Variants in LRBA observed in about 807,000 individuals in gnomAD.
LRBA encodes the protein LPS responsive beige-like anchor protein.
Under a neutral mutation model 330.0 loss-of-function variants are expected in LRBA, and 176 were observed. The ratio of observed to expected loss-of-function variants is 0.53; its 90% CI spans 0.47 to 0.60. The LOEUF is 0.60. LRBA is among the 20% of genes least tolerant of loss of function. LRBA has a pLI of 0.00. For missense variants in LRBA, 3,259 were observed against 3,444.8 expected (o/e 0.95, Z 1.35); for synonymous variants, 1,230 against 1,193.0 (o/e 1.03, Z -0.64).
Position 151,014,485 on chromosome 4 carries a change from C to T in LRBA, c.158G>A (p.Gly53Asp). ...GIRMKFAVLT[G>D]LVEVGEVSNR... is the part of the protein sequence containing the mutation. ...GGATACTTCTCCAACTTCAACCAAA[C>T]CGGTCAACACGGCAAATTTCATTCT... The change falls in exon 2 of 57, where the codon GGT becomes GAT. Residue 53 changes from glycine to aspartate, a missense_variant. Gly to Asp is a moderately conservative substitution (Grantham distance 94). Transcript: ENST00000651943. The T allele has an allele frequency of 3.1e-6, 5 of 1,614,204 alleles. No homozygotes were observed. The highest frequency in any genetic ancestry group is 4.2e-6 in the Non-Finnish European group (5 of 1,180,040).
intron 44 of LRBA, among the ~76,000 whole-genome samples, chr4:150,454,605 T>C (rs2152036583): frequency 1.3e-5 from 2 of 152,134 alleles, no homozygotes; most frequent in East Asian, 3.9e-4. Flanking sequence ...AAAATTTCAA[T>C]AGCTTTAGGG....
intron 40 of LRBA, chr4:150,582,275 G>A (rs562441044): frequency 6.6e-6 from 1 of 151,966 alleles, no homozygotes; most frequent in Admixed American, 6.6e-5. Flanking sequence ...GAAACACAAG[G>A]AGAACCCACT....
intron 2 of LRBA, among the ~76,000 whole-genome samples, chr4:150,941,750 G>C (rs1209807138): frequency 6.6e-6 from 1 of 152,030 alleles, no homozygotes; most frequent in Non-Finnish European, 1.5e-5. Flanking sequence ...AGCCAGGTGT[G>C]GTGGCAGGCA....
At chr4:150,843,083 C>T (rs1749338784) in intron 28 of LRBA, among the ~76,000 whole-genome samples, 1 of 152,150 alleles carries the variant, frequency 6.6e-6, no homozygotes, top group Non-Finnish European at 1.5e-5. Context: ...CGGAGCTTGG[C>T]TTCACTCCTC....
Position 150,761,859 on chromosome 4 carries a change from A to G in LRBA, c.5581-12T>C, listed in dbSNP as rs192470940. 2.7e-4 allele frequency: 400 copies of G among 1,480,532 alleles called. 3 individuals are homozygous for G. The East Asian group carries it at 8.1e-3, about 30-fold the overall frequency. The allele number at this position is 1,480,532 out of a possible 1,614,324, so 91.7% of individuals were successfully genotyped here. A position where few individuals can be genotyped will look rare whatever the true frequency, so the allele number is the denominator to read the frequency against. Reference sequence around the variant, plus strand: ...GAATTTTGCCACTCCTATAAAAAAAAAAGCAAAAATAGCTGAAGAAATGTC... The same window carrying G: ...GAATTTTGCCACTCCTATAAAAAAAGAAGCAAAAATAGCTGAAGAAATGTC... On this transcript the variant is annotated splice_polypyrimidine_tract_variant and intron_variant, in intron 34 of 56. Transcript: ENST00000651943.
intron 53 of LRBA, among the ~76,000 whole-genome samples, chr4:150,301,598 A>G (rs1729689114): frequency 9.6e-6 from 1 of 104,544 alleles, no homozygotes; most frequent in Non-Finnish European, 2.6e-5. Flanking sequence ...AAATGTTTTG[A>G]AAAAAAGGTT....
intron 53 of LRBA, among the ~76,000 whole-genome samples, chr4:150,295,731 G>A (rs957487854): frequency 3.9e-5 from 6 of 152,118 alleles, no homozygotes; most frequent in African/African-American, 9.7e-5. Context: ...ATGTAGCTTC[G>A]TGATCTTTTA....
chr4:150,808,372 GCA>G lies in LRBA; in HGVS notation c.5330_5331del (p.Leu1777SerfsTer7). On this transcript the variant is annotated frameshift_variant, in exon 32 of 57. Coordinates refer to ENST00000651943, the MANE Select transcript of LRBA (RefSeq NM_001364905.1). LOFTEE classifies it high-confidence loss of function. ...SPGSRSSNAK[L>X]PSVPTVDSVS... The stretch of plus-strand genomic sequence containing the variant: ...ACTGAATCAACTGTTGGAACTGAGG[GCA>G]ATTTTGCATTAGATGATCTACTGCC... 1 of 1,611,338 alleles carries G rather than the reference GCA, an allele frequency of 6.2e-7. No individual in the cohort carries two copies. The highest frequency in any genetic ancestry group is 8.5e-7 in the Non-Finnish European group (1 of 1,178,018).
At chr4:150,783,378 G>C (rs1302626811) in intron 34 of LRBA, among the ~76,000 whole-genome samples, 1 of 152,124 alleles carries the variant, frequency 6.6e-6, no homozygotes, top group Non-Finnish European at 1.5e-5. Context: ...GAAAGATCAA[G>C]CAACTTTCTA....
intron 40 of LRBA, among the ~76,000 whole-genome samples, chr4:150,511,406 T>A (rs1470426953): frequency 6.6e-6 from 1 of 152,140 alleles, no homozygotes; most frequent in Non-Finnish European, 1.5e-5. Context: ...TTAGAAGAGG[T>A]TCTTATCATC....
chr4:150,630,125 A>G (rs1200735872), intron 37 of LRBA, among the ~76,000 whole-genome samples: 1 of 152,194 alleles, frequency 6.6e-6, no homozygotes, highest in Non-Finnish European at 1.5e-5. Flanking sequence ...GCTTCTTACA[A>G]TGAACTTTCA....
At chr4:150,480,060 G>T (rs1302682774) in intron 42 of LRBA, among the ~76,000 whole-genome samples, 1 of 152,094 alleles carries the variant, frequency 6.6e-6, no homozygotes, top group Non-Finnish European at 1.5e-5. Context: ...TTTCCACCAC[G>T]AATATGTTTC....
At chr4:150,912,842 C>T (rs573623209) in intron 9 of LRBA, among the ~76,000 whole-genome samples, 13 of 152,044 alleles carry the variant, frequency 8.6e-5, no homozygotes, top group African/African-American at 1.4e-4. Context: ...GTCATTATCA[C>T]CATAATCTTC....
intron 37 of LRBA, among the ~76,000 whole-genome samples, chr4:150,624,324 A>T (rs1776624567): frequency 6.6e-6 from 1 of 151,884 alleles, no homozygotes; most frequent in Admixed American, 6.6e-5. Context: ...AAAAAAAAAA[A>T]AATTGAAACC....
chr4:150,679,760 T>C (rs952003267), intron 37 of LRBA: 7 of 152,212 alleles, frequency 4.6e-5, no homozygotes, highest in African/African-American at 1.7e-4. Context: ...AGAATTTTGA[T>C]ATGAGGTTCC....
chr4:150,310,554 G>A, intron 51 of LRBA, 170 bp from the exon 52 acceptor site: 1 of 502,622 alleles, frequency 2.0e-6, no homozygotes. Context: ...GAAAAATGTG[G>A]GTAGCTAAAT....
intron 40 of LRBA, among the ~76,000 whole-genome samples, chr4:150,494,777 C>A (rs943842043): frequency 6.6e-6 from 1 of 152,098 alleles, no homozygotes; most frequent in Non-Finnish European, 1.5e-5. Context: ...AGGCGGATCA[C>A]GAGGTCAGGA....
chr4:150,719,722 A>C (rs1391104952), intron 36 of LRBA, among the ~76,000 whole-genome samples: 1 of 152,112 alleles, frequency 6.6e-6, no homozygotes, highest in East Asian at 1.9e-4. Context: ...TACAGAGAGA[A>C]ACAAACTGAG....
chr4:150,875,511 A>G (rs1203334963), intron 17 of LRBA, among the ~76,000 whole-genome samples: 4 of 152,166 alleles, frequency 2.6e-5, no homozygotes, highest in African/African-American at 9.7e-5. Context: ...TCAAGTATAT[A>G]CCCAGCCACA....
Sources: gnomAD v4.1 joint callset for allele counts (sites outside exome capture counted in the v4.1 genomes callset) on GRCh38, gnomAD v4.1.1 for gene constraint, MANE v1.5 for transcripts, NCBI Gene and HGNC (gene_info 2026-07-23, HGNC 2026-07-21) for gene names.